Variants in AGMO observed in about 807,000 individuals in gnomAD.
AGMO encodes the protein alkylglycerol monooxygenase.
AGMO carries 75 observed loss-of-function variants against 60.2 expected under a neutral mutation model. The ratio of observed to expected loss-of-function variants is 1.25; its 90% CI spans 1.03 to 1.51. The LOEUF (loss-of-function observed/expected upper bound fraction) is 1.51, where lower values mean the gene tolerates loss of function less well. Among genes scored for constraint, AGMO ranks in the 40% most tolerant of loss-of-function variants. The pLI is 0.00. For synonymous variants in AGMO, 261 were observed against 177.1 expected, an observed-to-expected ratio of 1.47 and a Z score of -3.76; for missense variants, 763 against 525.5, an observed-to-expected ratio of 1.45 and a Z score of -4.42.
At chr7:15,416,360 C>G (rs1431930290) in intron 5 of AGMO, among the ~76,000 whole-genome samples, 1 of 152,062 alleles carries the variant, frequency 6.6e-6, no homozygotes, top group Non-Finnish European at 1.5e-5. Context: ...ATCAAAATAA[C>G]TCAAAAGTAA....
At chr7:15,347,876 G>A (rs187023668) in intron 12 of AGMO, among the ~76,000 whole-genome samples, 1 of 152,044 alleles carries the variant, frequency 6.6e-6, no homozygotes, top group East Asian at 1.9e-4. Flanking sequence ...ATTAAATACA[G>A]TATCATCACC....
intron 3 of AGMO, among the ~76,000 whole-genome samples, chr7:15,481,116 A>T (rs1318292961): frequency 6.6e-6 from 1 of 152,134 alleles, no homozygotes; most frequent in African/African-American, 2.4e-5. Context: ...CTGAAGAAAA[A>T]TTACTTGTAG....
At chr7:15,470,318 C>T (rs1008969683) in intron 3 of AGMO, among the ~76,000 whole-genome samples, 13 of 151,916 alleles carry the variant, frequency 8.6e-5, no homozygotes, top group Non-Finnish European at 1.8e-4. Context: ...GAGTAAATAA[C>T]AAGAAATTTG....
At chr7:15,345,339 C>T (rs1183274406) in intron 12 of AGMO, among the ~76,000 whole-genome samples, 2 of 152,142 alleles carry the variant, frequency 1.3e-5, no homozygotes, top group African/African-American at 2.4e-5. Flanking sequence ...AATTTCTCAC[C>T]TCCTGGCCTA....
At chr7:15,299,282 T>C (rs1274313113) in intron 12 of AGMO, among the ~76,000 whole-genome samples, 5 of 152,086 alleles carry the variant, frequency 3.3e-5, no homozygotes, top group Non-Finnish European at 7.4e-5. Flanking sequence ...GAAAGTAAAG[T>C]ACATTGCCCA....
chr7:15,513,188 T>G (rs909358893), intron 3 of AGMO, among the ~76,000 whole-genome samples: 4 of 152,224 alleles, frequency 2.6e-5, no homozygotes, highest in Non-Finnish European at 5.9e-5. Flanking sequence ...TTCTTTGATA[T>G]GTGATGGTCA....
Position 15,274,725 on chromosome 7 carries a change from C to A in AGMO, c.1264-73366G>T, listed in dbSNP as rs62450280. Among the ~76,000 whole-genome samples the A allele has an allele frequency of 1.5e-3, 231 of 149,764 alleles. 3 individuals are homozygous for A. Among genetic ancestry groups the A allele is most frequent in the Non-Finnish European group, 5.8e-4 (39 of 67,570 alleles). On this transcript the variant is annotated intron_variant, in intron 12 of 12. Coordinates refer to ENST00000342526, the MANE Select transcript of AGMO (RefSeq NM_001004320.2). Reference sequence around the variant, plus strand: ...TTTTTTTTGGTAGATTTTTTCATTACTGATTCAGTTTTATTACTAGTTATT... The same window carrying A: ...TTTTTTTTGGTAGATTTTTTCATTAATGATTCAGTTTTATTACTAGTTATT...
In AGMO at chr7:15,431,755, G is replaced by C. The variant is rs368818311; in HGVS notation, c.410-647C>G. ...AACCATTTCTAAATTTTTCCACATA[G>C]TTTTATCTGTGTTCATAAAAAAGGA... On this transcript the variant is annotated intron_variant, in intron 3 of 12. Coordinates refer to ENST00000342526, the MANE Select transcript of AGMO (RefSeq NM_001004320.2). Among the ~76,000 whole-genome samples the C allele has an allele frequency of 2.6e-5, 4 of 151,790 alleles. No individual in the cohort carries two copies. The East Asian group carries it at 5.8e-4, about 22-fold the overall frequency.
intron 12 of AGMO, among the ~76,000 whole-genome samples, chr7:15,253,404 C>CTAT (rs1341811958): frequency 6.6e-6 from 1 of 151,952 alleles, no homozygotes; most frequent in African/African-American, 2.4e-5. Context: ...TGAAGGGAGG[C>CTAT]TATTAGTCAT....
intron 6 of AGMO, among the ~76,000 whole-genome samples, 180 bp downstream of exon 6, chr7:15,393,925 CCCACCCCA>C (rs1441573674): frequency 6.6e-6 from 1 of 150,992 alleles, no homozygotes; most frequent in Non-Finnish European, 1.5e-5. Context: ...CCCACCCCAC[CCCACCCCA>C]CCAGTTCATA....
At chr7:15,342,382 A>C (rs1347255190) in intron 12 of AGMO, among the ~76,000 whole-genome samples, 2 of 151,962 alleles carry the variant, frequency 1.3e-5, no homozygotes, top group African/African-American at 2.4e-5. Context: ...TGAATTCATA[A>C]GTGTCTTCCA....
chr7:15,139,554 C>CT, the AGMO span, among the ~76,000 whole-genome samples: 1 of 152,190 alleles, frequency 6.6e-6, no homozygotes, highest in South Asian at 2.1e-4. Flanking sequence ...CTGTAGTTCC[C>CT]TTTTTTGTGT....
Position 15,542,467 on chromosome 7 carries a change from T to A in AGMO, c.409+2305A>T, listed in dbSNP as rs527843798. On this transcript the variant is annotated intron_variant, in intron 3 of 12. Transcript: ENST00000342526. ...AATCAACATATTTTTAATAGTTTTA[T>A]ATTGGTAATATCTTGTTGATTCTTT... 1.7e-3 allele frequency among the ~76,000 whole-genome samples: 255 copies of A among 152,352 alleles called. 1 individual carries two copies. Among genetic ancestry groups the A allele is most frequent in the Admixed American group, 4.1e-3 (62 of 15,298 alleles).
chr7:15,558,136 A>G (rs1477731169), intron 2 of AGMO, among the ~76,000 whole-genome samples: 2 of 151,128 alleles, frequency 1.3e-5, no homozygotes, highest in African/African-American at 4.9e-5. Context: ...CTAAGCAAAA[A>G]TATTGTATTG....
chr7:15,493,521 C>T (rs1010078243), intron 3 of AGMO, among the ~76,000 whole-genome samples: 1 of 151,138 alleles, frequency 6.6e-6, no homozygotes, highest in East Asian at 1.9e-4. Flanking sequence ...CTGCAGGCGC[C>T]CGCCACCACA....
At chr7:15,358,398 A>T in intron 12 of AGMO, 1 of 471,344 alleles carries the variant, frequency 2.1e-6, no homozygotes, top group African/African-American at 2.0e-5. Context: ...GGATAATAAG[A>T]AGGCATAATA....
At chr7:15,147,861 T>C in the AGMO span, among the ~76,000 whole-genome samples, 1,273 of 152,248 alleles carry the variant, frequency 8.4e-3, 20 homozygotes, top group African/African-American at 0.029. Context: ...AAACATAAAA[T>C]CATGTCTTGA....
intron 10 of AGMO, among the ~76,000 whole-genome samples, chr7:15,371,959 T>C (rs916360673): frequency 6.6e-6 from 1 of 152,080 alleles, no homozygotes; most frequent in African/African-American, 2.4e-5. Context: ...TTAAGTACCT[T>C]AATATTTATC....
At chr7:15,282,593 G>A (rs1783999329) in intron 12 of AGMO, among the ~76,000 whole-genome samples, 1 of 152,126 alleles carries the variant, frequency 6.6e-6, no homozygotes, top group Non-Finnish European at 1.5e-5. Context: ...AAAATGGCCA[G>A]ACCTAAAAAT....
Sources: allele counts gnomAD v4.1 joint callset (sites outside exome capture counted in the v4.1 genomes callset), GRCh38; gene constraint gnomAD v4.1.1; transcripts MANE v1.5; gene names NCBI Gene and HGNC (gene_info 2026-07-23, HGNC 2026-07-21).